LYPD6: variants seen among roughly 807,000 people sequenced by gnomAD.
LYPD6 encodes the protein LY6/PLAUR domain containing 6, also known as ly6/PLAUR domain-containing protein 6.
A neutral mutation model predicts 22.7 loss-of-function variants in LYPD6; 15 were observed. That is an observed-to-expected ratio of 0.66 (90% CI 0.44 to 1.02). The LOEUF (loss-of-function observed/expected upper bound fraction) is 1.02. Ranked by LOEUF, LYPD6 falls within the 50% of genes least tolerant of loss-of-function variation. LYPD6 has a pLI of 0.00. For synonymous variants in LYPD6, 72 were observed against 77.5 expected (o/e 0.93, Z 0.37); for missense variants, 189 against 208.4 (o/e 0.91, Z 0.57).
At chr2:149,379,579 C>T (rs1389410398) in intron 1 of LYPD6, among the ~76,000 whole-genome samples, 1 of 151,986 alleles carries the variant, frequency 6.6e-6, no homozygotes, top group Non-Finnish European at 1.5e-5. Context: ...TTGAACTTAC[C>T]TTGGGTGGGT....
chr2:149,465,715 C>T (rs947758012), intron 3 of LYPD6, among the ~76,000 whole-genome samples: 2 of 152,160 alleles, frequency 1.3e-5, no homozygotes, highest in African/African-American at 4.8e-5. Flanking sequence ...CTTTGGGTTA[C>T]TTTTAACTTT....
At chr2:149,464,259 G>A (rs1326438727) in intron 3 of LYPD6, 1 of 306,192 alleles carries the variant, frequency 3.3e-6, no homozygotes, top group Non-Finnish European at 6.6e-6. Context: ...CATTGACCTG[G>A]TTGGGAGGAA....
intron 1 of LYPD6, among the ~76,000 whole-genome samples, chr2:149,353,751 A>T (rs1681400963): frequency 6.6e-6 from 1 of 152,086 alleles, no homozygotes; most frequent in Non-Finnish European, 1.5e-5. Flanking sequence ...TTGGCTCATA[A>T]CAACATAAAT....
chr2:149,475,213 A>T (rs1681429597), downstream of LYPD6, among the ~76,000 whole-genome samples: 1 of 152,222 alleles, frequency 6.6e-6, no homozygotes, highest in Admixed American at 6.5e-5. Flanking sequence ...AAATGTTTTA[A>T]TAACTTTCCT....
chr2:149,406,574 C>T (rs1682714732), intron 1 of LYPD6, among the ~76,000 whole-genome samples: 1 of 152,118 alleles, frequency 6.6e-6, no homozygotes, highest in African/African-American at 2.4e-5. Flanking sequence ...TATTTGTTTT[C>T]CATTTGCTTG....
intron 2 of LYPD6, among the ~76,000 whole-genome samples, chr2:149,444,852 G>A (rs1376275247): frequency 6.6e-6 from 1 of 152,164 alleles, no homozygotes; most frequent in East Asian, 1.9e-4. Flanking sequence ...CTAAACTGCT[G>A]TTGATGTTGA....
At chr2:149,400,047 G>A (rs1370427916) in intron 1 of LYPD6, among the ~76,000 whole-genome samples, 4 of 152,360 alleles carry the variant, frequency 2.6e-5, no homozygotes, top group South Asian at 4.1e-4. Context: ...GTGACTGTCG[G>A]AGGGGAGCAG....
intron 1 of LYPD6, among the ~76,000 whole-genome samples, chr2:149,382,909 A>G (rs925385391): frequency 6.6e-6 from 1 of 152,178 alleles, no homozygotes; most frequent in African/African-American, 2.4e-5. Context: ...ATAAAAGGCA[A>G]TATATCTAGA....
At chr2:149,478,377 G>GGTGTGTGTGTGTGTGT (rs55853638), downstream of LYPD6, among the ~76,000 whole-genome samples, 774 of 99,370 alleles carry the variant, frequency 7.8e-3, 9 homozygotes, top group African/African-American at 0.021. Flanking sequence ...GGTATATAGA[G>GGTGTGTGTGTGTGTGT]GTGTGTGTGT....
At chr2:149,430,307 C>T (rs1220728347) in intron 1 of LYPD6, among the ~76,000 whole-genome samples, 1 of 152,108 alleles carries the variant, frequency 6.6e-6, no homozygotes, top group Admixed American at 6.6e-5. Context: ...ACCATGTTGG[C>T]CAGACTGGTC....
At chr2:149,466,785 C>G (rs1681209846) in intron 3 of LYPD6, among the ~76,000 whole-genome samples, 1 of 152,078 alleles carries the variant, frequency 6.6e-6, no homozygotes, top group African/African-American at 2.4e-5. Flanking sequence ...AGCCTATGAT[C>G]TTATCTGCTC....
At chr2:149,456,571 A>C (rs1318614412) in intron 3 of LYPD6, among the ~76,000 whole-genome samples, 3 of 152,188 alleles carry the variant, frequency 2.0e-5, no homozygotes. Flanking sequence ...TAATTAAGTG[A>C]GGTCATTCAG....
chr2:149,478,831 A>G (rs1474581787), downstream of LYPD6, among the ~76,000 whole-genome samples: 2 of 152,156 alleles, frequency 1.3e-5, no homozygotes, highest in Non-Finnish European at 2.9e-5. Flanking sequence ...CACCCCTGGT[A>G]CTTACATGAA....
chr2:149,395,572 T>C (rs1682411482), intron 1 of LYPD6, among the ~76,000 whole-genome samples: 1 of 152,160 alleles, frequency 6.6e-6, no homozygotes, highest in Non-Finnish European at 1.5e-5. Flanking sequence ...TCGAGTACTT[T>C]TTATTTTTAG....
intron 2 of LYPD6, among the ~76,000 whole-genome samples, chr2:149,445,467 G>C (rs1395670942): frequency 6.6e-6 from 1 of 152,174 alleles, no homozygotes; most frequent in Non-Finnish European, 1.5e-5. Flanking sequence ...ATATAAAGCT[G>C]TTTTGTCTAC....
intron 1 of LYPD6, among the ~76,000 whole-genome samples, chr2:149,354,594 C>T (rs533731244): frequency 2.3e-4 from 35 of 152,156 alleles, no homozygotes; most frequent in South Asian, 4.1e-4. Flanking sequence ...CAAGCTACAG[C>T]AGCTTTCTAT....
rs536565887 is a variant in LYPD6 at position 149,413,106 on chromosome 2, A to G, written c.-71-24532A>G. 1.6e-4 allele frequency among the ~76,000 whole-genome samples: 24 copies of G among 152,290 alleles called. No homozygotes were observed. In the East Asian group the frequency reaches 4.4e-3, roughly 28 times the overall value. On this transcript the variant is annotated intron_variant, in intron 1 of 4. Coordinates refer to ENST00000334166, the MANE Select transcript of LYPD6 (RefSeq NM_194317.5). ...TTCTTCTTGACTTTATAAAGGATCA[A>G]CACATCTTTAAGTACCATCTGCAGT...
At chr2:149,467,987 A>G (rs1366641846) in intron 3 of LYPD6, among the ~76,000 whole-genome samples, 4 of 152,168 alleles carry the variant, frequency 2.6e-5, no homozygotes, top group African/African-American at 4.8e-5. Context: ...CACTGAAATC[A>G]TGCTAGGGAG....
At chr2:149,448,950 C>A in intron 2 of LYPD6, 99 bp from the exon 3 acceptor site, 1 of 942,350 alleles carries the variant, frequency 1.1e-6, no homozygotes, top group Non-Finnish European at 1.6e-6. Flanking sequence ...GCTAAGTTGT[C>A]TTGAGAATCC....
Sources: allele counts gnomAD v4.1 joint callset (sites outside exome capture counted in the v4.1 genomes callset), GRCh38; gene constraint gnomAD v4.1.1; transcripts MANE v1.5; gene names NCBI Gene and HGNC (gene_info 2026-07-23, HGNC 2026-07-21).